RNGTT: variants seen among roughly 807,000 people sequenced by gnomAD.
RNGTT encodes RNA guanylyltransferase and 5'-phosphatase.
A neutral mutation model predicts 79.3 loss-of-function variants in RNGTT; 33 were observed. That is an observed-to-expected ratio of 0.42 (90% CI 0.32 to 0.56). The LOEUF (loss-of-function observed/expected upper bound fraction) is 0.56, where lower values mean the gene tolerates loss of function less well. Ranked by LOEUF, RNGTT falls within the 20% of genes least tolerant of loss-of-function variation. The pLI is 0.17. For missense variants in RNGTT, 497 were observed against 739.1 expected (o/e 0.67, Z 3.80); for synonymous variants, 222 against 235.9 (o/e 0.94, Z 0.54).
chr6:88,644,105 G>A (rs1164965034), intron 14 of RNGTT, among the ~76,000 whole-genome samples: 1 of 150,882 alleles, frequency 6.6e-6, no homozygotes, highest in Non-Finnish European at 1.5e-5. Context: ...AGACCACTAG[G>A]AAGACTAATA....
chr6:88,900,880 G>A (rs377508627), intron 6 of RNGTT, among the ~76,000 whole-genome samples: 5 of 151,610 alleles, frequency 3.3e-5, no homozygotes, highest in African/African-American at 9.7e-5. Context: ...GATGGCTCAC[G>A]CCTATAATGC....
intron 13 of RNGTT, among the ~76,000 whole-genome samples, chr6:88,745,832 T>G (rs191094294): frequency 1.3e-5 from 2 of 152,240 alleles, no homozygotes; most frequent in Non-Finnish European, 2.9e-5. Flanking sequence ...CTTGGCCCCC[T>G]TATATACTTC....
intron 15 of RNGTT, among the ~76,000 whole-genome samples, chr6:88,613,605 C>T (rs542132921): frequency 4.4e-4 from 67 of 152,320 alleles, no homozygotes; most frequent in Admixed American, 2.2e-3. Flanking sequence ...TCATCAACTG[C>T]ACATTCTAAA....
At chr6:88,718,089 T>C (rs747997566) in intron 13 of RNGTT, among the ~76,000 whole-genome samples, 4 of 152,080 alleles carry the variant, frequency 2.6e-5, no homozygotes, top group African/African-American at 9.7e-5. Context: ...AAGTGCTAAC[T>C]CGCCATTTAA....
intron 14 of RNGTT, among the ~76,000 whole-genome samples, chr6:88,659,957 A>G (rs1010026276): frequency 1.3e-5 from 2 of 152,234 alleles, no homozygotes; most frequent in Admixed American, 6.5e-5. Flanking sequence ...CTCATTTCTC[A>G]GCAGAAACCT....
At chr6:88,810,628 A>G (rs1346337210) in intron 11 of RNGTT, among the ~76,000 whole-genome samples, 1 of 152,244 alleles carries the variant, frequency 6.6e-6, no homozygotes, top group East Asian at 1.9e-4. Context: ...AATAATTTAA[A>G]TAACAGATAT....
At chr6:88,846,542 G>A (rs759417093) in intron 10 of RNGTT, among the ~76,000 whole-genome samples, 2 of 152,104 alleles carry the variant, frequency 1.3e-5, no homozygotes, top group Non-Finnish European at 2.9e-5. Flanking sequence ...GAGGCCAGAA[G>A]TTCGTGACCA....
At chr6:88,872,940 T>A (rs1782403272) in intron 8 of RNGTT, among the ~76,000 whole-genome samples, 1 of 152,120 alleles carries the variant, frequency 6.6e-6, no homozygotes. Context: ...GAGGGATTGG[T>A]TATTTTTAGC....
chr6:88,903,554 G>A (rs1044599780), intron 6 of RNGTT, among the ~76,000 whole-genome samples: 6 of 151,956 alleles, frequency 3.9e-5, no homozygotes, highest in African/African-American at 7.3e-5. Context: ...TCTATGTTTC[G>A]AAGCAATTTA....
At chr6:88,746,948 C>T (rs907013870) in intron 13 of RNGTT, among the ~76,000 whole-genome samples, 9 of 152,280 alleles carry the variant, frequency 5.9e-5, no homozygotes, top group African/African-American at 2.2e-4. Flanking sequence ...AGTCTTAACA[C>T]AAGTTTGACC....
chr6:88,797,596 T>C (rs114930028), intron 12 of RNGTT, among the ~76,000 whole-genome samples: 1,809 of 152,084 alleles, frequency 0.012, 31 homozygotes, highest in African/African-American at 0.04. Flanking sequence ...AACAGTTCTT[T>C]TGGAGAGTTT....
chr6:88,848,044 T>C (rs1781542243), intron 10 of RNGTT, among the ~76,000 whole-genome samples: 1 of 151,094 alleles, frequency 6.6e-6, no homozygotes, highest in African/African-American at 2.4e-5. Context: ...GATTGTATTA[T>C]AAGATTATAC....
At chr6:88,814,173 T>TA (rs1485082601) in intron 11 of RNGTT, among the ~76,000 whole-genome samples, 10 of 152,052 alleles carry the variant, frequency 6.6e-5, no homozygotes, top group Non-Finnish European at 7.4e-5. Context: ...GGTAAGATTT[T>TA]AAAAAAAAGC....
At chr6:88,673,225 T>TA (rs1462957497) in intron 14 of RNGTT, among the ~76,000 whole-genome samples, 1 of 152,218 alleles carries the variant, frequency 6.6e-6, no homozygotes, top group South Asian at 2.1e-4. Flanking sequence ...GATTTAATTT[T>TA]AAAAATCAAC....
chr6:88,713,652 G>A (rs368536204), intron 13 of RNGTT, among the ~76,000 whole-genome samples: 31 of 152,076 alleles, frequency 2.0e-4, no homozygotes, highest in East Asian at 9.6e-4. Flanking sequence ...TGTTATATAC[G>A]TATCACATTT....
chr6:88,875,601 C>G (rs1049387741), intron 8 of RNGTT, among the ~76,000 whole-genome samples: 3 of 152,152 alleles, frequency 2.0e-5, no homozygotes, highest in Admixed American at 2.0e-4. Context: ...CTTACAATAA[C>G]TGTGTCTGTG....
intron 10 of RNGTT, among the ~76,000 whole-genome samples, chr6:88,846,773 A>C (rs920781178): frequency 6.6e-6 from 1 of 151,754 alleles, no homozygotes; most frequent in South Asian, 2.1e-4. Context: ...AAAAAAAAAA[A>C]ATGTATGCTA....
intron 13 of RNGTT, among the ~76,000 whole-genome samples, chr6:88,716,693 C>G (rs1408646071): frequency 6.6e-6 from 1 of 152,128 alleles, no homozygotes; most frequent in Non-Finnish European, 1.5e-5. Context: ...TGGAAACCAT[C>G]ATTCTCAGCA....
intron 13 of RNGTT, among the ~76,000 whole-genome samples, chr6:88,765,147 C>T (rs965143280): frequency 3.3e-5 from 5 of 150,834 alleles, no homozygotes; most frequent in Admixed American, 6.6e-5. Flanking sequence ...AGCTGAGATC[C>T]CACCACTGCA....
Sources: allele counts gnomAD v4.1 joint callset (sites outside exome capture counted in the v4.1 genomes callset), GRCh38; gene constraint gnomAD v4.1.1; transcripts MANE v1.5; gene names NCBI Gene and HGNC (gene_info 2026-07-23, HGNC 2026-07-21).